Variants in FGGY observed in about 807,000 individuals in gnomAD.
FGGY encodes FGGY carbohydrate kinase domain-containing protein.
FGGY carries 72 observed loss-of-function variants against 71.3 expected under a neutral mutation model. The observed-to-expected ratio is 1.01, with a 90% confidence interval of 0.84 to 1.23. The LOEUF is 1.23. Among genes scored for constraint, FGGY ranks in the 50% most tolerant of loss-of-function variants. The pLI, the probability that FGGY is intolerant of heterozygous loss-of-function variation, is 0.00. For missense variants in FGGY, 668 were observed against 682.3 expected, an observed-to-expected ratio of 0.98 and a Z score of 0.23; for synonymous variants, 251 against 250.3, an observed-to-expected ratio of 1.00 and a Z score of -0.02.
intron 9 of FGGY, among the ~76,000 whole-genome samples, chr1:59,615,628 A>C (rs2096743974): frequency 6.6e-6 from 1 of 152,202 alleles, no homozygotes; most frequent in Admixed American, 6.5e-5. Flanking sequence ...ACGGCAACAA[A>C]AGCCAAAATT....
At chr1:59,694,168 C>A (rs10889151) in intron 14 of FGGY, among the ~76,000 whole-genome samples, 122,697 of 150,274 alleles carry the variant, frequency 0.82, 50,392 homozygotes, top group Non-Finnish European at 0.88. Flanking sequence ...GGGCGCCTGT[C>A]GTCCCAGCTA....
chr1:59,619,730 G>A (rs2096790167), intron 9 of FGGY, among the ~76,000 whole-genome samples: 1 of 152,066 alleles, frequency 6.6e-6, no homozygotes, highest in African/African-American at 2.4e-5. Context: ...AACCATTGGA[G>A]AATAATGAGC....
chr1:59,369,105 C>T lies in FGGY; in HGVS notation c.466-9644C>T, dbSNP rs574088752. Among the ~76,000 whole-genome samples, 15 of 152,242 alleles carry T rather than the reference C, an allele frequency of 9.9e-5. No individual in the cohort carries two copies. In the South Asian group the frequency reaches 1.2e-3, roughly 13 times the overall value. ...GCACTGTGCGCAAGCCGAAGCAGGG[C>T]GAGGCATTGCCTCACTCGGAAAGCG... On this transcript the variant is annotated intron_variant, in intron 4 of 15. Coordinates refer to ENST00000303721, the MANE Select transcript of FGGY (RefSeq NM_018291.5).
rs778888699 is a variant in FGGY at position 59,512,398 on chromosome 1, C to T, written c.758C>T (p.Ala253Val). 45 of 1,613,562 alleles carry T rather than the reference C, an allele frequency of 2.8e-5. No homozygotes were observed. Among genetic ancestry groups the T allele is most frequent in the Middle Eastern group, 1.6e-4 (1 of 6,078 alleles). Residue 253 changes from alanine (A) to valine (V), a missense_variant, in exon 7 of 16, where the codon GCG becomes GTG. By Grantham distance (64) the Ala-to-Val change is moderately conservative. Around this residue, in one of 2 missense-constraint regions of FGGY, gnomAD observed 661 missense variants for 661.6 expected, o/e 1.00. Coordinates refer to ENST00000303721, the MANE Select transcript of FGGY (RefSeq NM_018291.5). ...GACCTTGGCCTTCTCCCTGGGATTGCGGTCGCAGCTTCACTCATTGATGCC... is the reference window on the plus strand; with the variant it reads ...GACCTTGGCCTTCTCCCTGGGATTGTGGTCGCAGCTTCACTCATTGATGCC... The part of the protein sequence containing the change: ...ARDLGLLPGI[A>V]VAASLIDAHA...
intron 2 of FGGY, among the ~76,000 whole-genome samples, chr1:59,325,399 T>G (rs2047249335): frequency 6.7e-6 from 1 of 148,886 alleles, no homozygotes; most frequent in Admixed American, 6.8e-5. Flanking sequence ...ACAGTAAGCT[T>G]AAACATTCCT....
chr1:59,387,154 G>C (rs1039095842), intron 5 of FGGY, among the ~76,000 whole-genome samples: 3 of 151,950 alleles, frequency 2.0e-5, no homozygotes, highest in Admixed American at 6.6e-5. Context: ...TTGGGTTATT[G>C]ATCTGTAGTC....
chr1:59,391,629 G>A (rs2060707656), intron 5 of FGGY, among the ~76,000 whole-genome samples: 1 of 152,152 alleles, frequency 6.6e-6, no homozygotes, highest in South Asian at 2.1e-4. Flanking sequence ...ATTATGATGT[G>A]CACTCTTCAC....
chr1:59,645,316 T>A (rs1309177932), intron 11 of FGGY, among the ~76,000 whole-genome samples: 1 of 152,142 alleles, frequency 6.6e-6, no homozygotes, highest in Non-Finnish European at 1.5e-5. Flanking sequence ...AATTGGCAGC[T>A]CCTGCTTGGT....
chr1:59,619,386 TAGA>T (rs1177480585), intron 9 of FGGY, among the ~76,000 whole-genome samples: 1 of 151,900 alleles, frequency 6.6e-6, no homozygotes. Flanking sequence ...TTAAGACAAA[TAGA>T]GGAGGTAGCT....
At chr1:59,375,042 G>A (rs1571241207) in intron 4 of FGGY, among the ~76,000 whole-genome samples, 1 of 150,492 alleles carries the variant, frequency 6.6e-6, no homozygotes, top group Non-Finnish European at 1.5e-5. Context: ...TTGTGCACAT[G>A]TACCCTAAAA....
Position 59,324,693 on chromosome 1 carries a change from G to A in FGGY, c.201+2943G>A, listed in dbSNP as rs551289019. On this transcript the variant is annotated intron_variant, in intron 2 of 15. Transcript: ENST00000303721. ...GTCTCCTGAATAAGAAGAAGGGGACGCTGTCCCTGCCACTGCTACTGCTCT... is the reference window on the plus strand; with the variant it reads ...GTCTCCTGAATAAGAAGAAGGGGACACTGTCCCTGCCACTGCTACTGCTCT... Among the ~76,000 whole-genome samples the A allele has an allele frequency of 2.6e-5, 4 of 152,282 alleles. No individual in the cohort carries two copies. The East Asian group carries it at 7.7e-4, about 29-fold the overall frequency.
In FGGY at chr1:59,555,369, A is replaced by C. The variant is rs191217204; in HGVS notation, c.903+1142A>C. Among the ~76,000 whole-genome samples, 186 of 152,296 alleles carry C rather than the reference A, an allele frequency of 1.2e-3. 1 individual carries two copies. The highest frequency in any genetic ancestry group is 2.1e-3 in the Non-Finnish European group (140 of 68,030). ...CCAGTCCCACTTCCTCAGTTTACTA[A>C]GTGTGGGCCTTTGGGCAAGGTACTT... On this transcript the variant is annotated intron_variant, in intron 8 of 15. Coordinates refer to ENST00000303721, the MANE Select transcript of FGGY (RefSeq NM_018291.5).
At chr1:59,297,915 TC>T (rs2042204667) in intron 1 of FGGY, among the ~76,000 whole-genome samples, 1 of 152,140 alleles carries the variant, frequency 6.6e-6, no homozygotes, top group African/African-American at 2.4e-5. Context: ...ACAAATTTCT[TC>T]CCCGAAGAGT....
At chr1:59,740,742 AT>A (rs2098140506) in intron 14 of FGGY, among the ~76,000 whole-genome samples, 1 of 152,202 alleles carries the variant, frequency 6.6e-6, no homozygotes, top group South Asian at 2.1e-4. Context: ...CACTTAATTC[AT>A]TATCCATTCA....
At chr1:59,581,016 A>C (rs2096184266) in intron 8 of FGGY, among the ~76,000 whole-genome samples, 1 of 152,140 alleles carries the variant, frequency 6.6e-6, no homozygotes, top group South Asian at 2.1e-4. Flanking sequence ...CTTTTCATGT[A>C]ATTTATACAT....
Position 59,380,431 on chromosome 1 carries a change from A to G in FGGY, c.554+1594A>G, listed in dbSNP as rs61788353. On this transcript the variant is annotated intron_variant, in intron 5 of 15. Transcript: ENST00000303721. ...CCACCAACAGTGTAAAAGTGTTCCC[A>G]TTTCTCCACATCCTCTCCGGCACCT... Among the ~76,000 whole-genome samples, 1,328 of 151,564 alleles carry G rather than the reference A, an allele frequency of 8.8e-3. 14 individuals carry two copies. Among genetic ancestry groups the G allele is most frequent in the Non-Finnish European group, 0.015 (988 of 68,018 alleles).
intron 14 of FGGY, among the ~76,000 whole-genome samples, chr1:59,749,603 A>G (rs1451212958): frequency 6.6e-6 from 1 of 152,210 alleles, no homozygotes; most frequent in East Asian, 1.9e-4. Context: ...TAGATTAACT[A>G]TTCTGGCCAG....
chr1:59,321,465 T>C lies in FGGY; in HGVS notation c.-14-71T>C, dbSNP rs1010245477. On this transcript the variant is annotated intron_variant, in intron 1 of 15. Transcript: ENST00000303721. Reference sequence around the variant, plus strand: ...AGCGGTACCTCTTTTATTTCTACTTTTGAGATGTTTTGTGACTGTCTTTGC... The same window carrying C: ...AGCGGTACCTCTTTTATTTCTACTTCTGAGATGTTTTGTGACTGTCTTTGC... 2.2e-6 allele frequency: 3 copies of C among 1,368,752 alleles called. No individual in the cohort carries two copies. The African/African-American group carries it at 4.3e-5, about 20-fold the overall frequency. 84.8% of individuals were successfully genotyped at this position (1,368,752 alleles called of 1,614,324 possible).
intron 2 of FGGY, among the ~76,000 whole-genome samples, chr1:59,333,445 A>G (rs1444140351): frequency 6.6e-6 from 1 of 152,236 alleles, no homozygotes; most frequent in Non-Finnish European, 1.5e-5. Flanking sequence ...GAATTCTCAT[A>G]TCATTGGGAG....
Sources: gnomAD v4.1 joint callset for allele counts (sites outside exome capture counted in the v4.1 genomes callset) on GRCh38, gnomAD v4.1.1 for gene constraint, gnomAD v4.1.1 regional missense constraint, MANE v1.5 for transcripts, NCBI Gene and HGNC (gene_info 2026-07-23, HGNC 2026-07-21) for gene names.